Variants in MAST4 observed in about 807,000 individuals in gnomAD.
MAST4 encodes the protein microtubule associated serine/threonine kinase family member 4.
In MAST4, 89 loss-of-function variants were observed where a neutral mutation model predicts 162.7. The ratio of observed to expected loss-of-function variants is 0.55; its 90% CI spans 0.46 to 0.65. The LOEUF (loss-of-function observed/expected upper bound fraction) is 0.65. Ranked by LOEUF, MAST4 falls within the 30% of genes least tolerant of loss-of-function variation. The probability of loss-of-function intolerance (pLI) is 0.00; values close to 1 mark genes in which losing one functional copy is unlikely to be tolerated. For missense variants in MAST4, 3,153 were observed against 3,374.0 expected, an observed-to-expected ratio of 0.93 and a Z score of 1.62; for synonymous variants, 1,479 against 1,361.1, an observed-to-expected ratio of 1.09 and a Z score of -1.91.
At chr5:66,646,491 A>G (rs1453141471) in intron 1 of MAST4, among the ~76,000 whole-genome samples, 4 of 152,172 alleles carry the variant, frequency 2.6e-5, no homozygotes, top group African/African-American at 9.6e-5. Context: ...CCTACTTGTC[A>G]TTTCGGTTTA....
intron 1 of MAST4, among the ~76,000 whole-genome samples, chr5:66,648,986 T>C (rs1017945288): frequency 6.6e-6 from 1 of 152,190 alleles, no homozygotes; most frequent in Non-Finnish European, 1.5e-5. Context: ...ACTGGGTGTC[T>C]GGACATACCT....
intron 1 of MAST4, among the ~76,000 whole-genome samples, chr5:66,746,165 C>A (rs1267902134): frequency 1.3e-5 from 2 of 152,188 alleles, no homozygotes; most frequent in Admixed American, 6.5e-5. Flanking sequence ...GTAATTCTAT[C>A]TTAAAAATTG....
intron 4 of MAST4, among the ~76,000 whole-genome samples, chr5:67,019,409 C>T (rs928482511): frequency 4.6e-5 from 7 of 152,224 alleles, no homozygotes; most frequent in Admixed American, 2.0e-4. Context: ...AATACTAATG[C>T]TAGCTCAGAA....
intron 1 of MAST4, among the ~76,000 whole-genome samples, chr5:66,755,803 T>C (rs1753500536): frequency 6.6e-6 from 1 of 152,234 alleles, no homozygotes; most frequent in South Asian, 2.1e-4. Flanking sequence ...TACTCTGTGA[T>C]TTTCAAGAAT....
intron 13 of MAST4, among the ~76,000 whole-genome samples, chr5:67,120,080 G>A (rs982870464): frequency 6.6e-6 from 1 of 152,262 alleles, no homozygotes; most frequent in Admixed American, 6.5e-5. Context: ...AATAGATCCA[G>A]ATCTTAGGGC....
At chr5:66,918,842 TG>T (rs1215932962) in intron 4 of MAST4, among the ~76,000 whole-genome samples, 1 of 152,200 alleles carries the variant, frequency 6.6e-6, no homozygotes, top group East Asian at 1.9e-4. Flanking sequence ...ATATAATGAA[TG>T]GTATATATAT....
chr5:66,943,778 G>T (rs1293560109), intron 4 of MAST4, among the ~76,000 whole-genome samples: 2 of 152,064 alleles, frequency 1.3e-5, no homozygotes, highest in Non-Finnish European at 2.9e-5. Context: ...CTGTGGTAGC[G>T]TTCTGAAAGG....
chr5:66,646,090 A>C (rs1040475488), intron 1 of MAST4, among the ~76,000 whole-genome samples: 1 of 152,158 alleles, frequency 6.6e-6, no homozygotes, highest in African/African-American at 2.4e-5. Flanking sequence ...TAATTGAAAC[A>C]ATGAGATATT....
intron 3 of MAST4, among the ~76,000 whole-genome samples, chr5:66,847,840 A>AAAAAAAAAAAAAAAAC: frequency 6.6e-6 from 1 of 150,976 alleles, no homozygotes; most frequent in Non-Finnish European, 1.5e-5. Context: ...AAAAAAAAAA[A>AAAAAAAAAAAAAAAAC]AAAGAAAAAC....
At chr5:66,741,217 T>C (rs1193317053) in intron 1 of MAST4, among the ~76,000 whole-genome samples, 1 of 152,330 alleles carries the variant, frequency 6.6e-6, no homozygotes, top group Non-Finnish European at 1.5e-5. Context: ...CAGAGCAGTC[T>C]TCTCTGGTCA....
chr5:67,053,759 G>A (rs941854564), intron 4 of MAST4, among the ~76,000 whole-genome samples: 2 of 152,056 alleles, frequency 1.3e-5, no homozygotes, highest in African/African-American at 4.8e-5. Context: ...TATGCTCTGG[G>A]TACTCAGGAT....
At chr5:66,899,842 C>T (rs1184267862) in intron 3 of MAST4, 109 bp from the exon 4 acceptor site, 10 of 858,220 alleles carry the variant, frequency 1.2e-5, no homozygotes, top group African/African-American at 1.8e-5. Flanking sequence ...ATAAGAAATG[C>T]CAAATCAAGC....
chr5:66,828,794 T>G (rs1056694646), intron 3 of MAST4: 1 of 1,591,366 alleles, frequency 6.3e-7, no homozygotes, highest in Non-Finnish European at 8.6e-7. Flanking sequence ...GTAGAGGTAG[T>G]ACAGCATGGC....
rs5868456 is a variant in MAST4, at chr5:66,597,898, TA to T, written c.363+892del. On this transcript the variant is annotated intron_variant, in intron 1 of 28. Transcript: ENST00000403625. ...TCACGTCTCAGAGCCAGACTCAGTTTAAAAAAAAAAAAGATTGTTTGCTTTG... is the reference window on the plus strand; with the variant it reads ...TCACGTCTCAGAGCCAGACTCAGTTTAAAAAAAAAAAGATTGTTTGCTTTG... Among the ~76,000 whole-genome samples, 444 of 146,492 alleles carry T rather than the reference TA, an allele frequency of 3.0e-3. 5 individuals carry two copies. Among genetic ancestry groups the T allele is most frequent in the African/African-American group, 8.6e-3 (346 of 40,250 alleles).
At chr5:66,866,128 A>G (rs1266985026) in intron 3 of MAST4, among the ~76,000 whole-genome samples, 1 of 151,730 alleles carries the variant, frequency 6.6e-6, no homozygotes, top group Non-Finnish European at 1.5e-5. Context: ...AGTTGCTGCG[A>G]AAAGTATTGG....
chr5:67,033,478 T>TA (rs1755636103), intron 4 of MAST4, among the ~76,000 whole-genome samples: 1 of 151,962 alleles, frequency 6.6e-6, no homozygotes, highest in African/African-American at 2.4e-5. Context: ...ATTTATATTC[T>TA]AAAAAATATT....
At chr5:66,932,510 G>A (rs1028964151) in intron 4 of MAST4, among the ~76,000 whole-genome samples, 5 of 152,134 alleles carry the variant, frequency 3.3e-5, no homozygotes, top group Non-Finnish European at 5.9e-5. Flanking sequence ...GAGAAAAAAC[G>A]ATATGAGATA....
At chr5:67,007,622 A>G (rs1752191339) in intron 4 of MAST4, among the ~76,000 whole-genome samples, 1 of 152,212 alleles carries the variant, frequency 6.6e-6, no homozygotes. Flanking sequence ...GAGCCTATGA[A>G]TGAGCATCTT....
At chr5:66,809,759 CAG>C (rs1357760629) in intron 3 of MAST4, among the ~76,000 whole-genome samples, 1 of 152,116 alleles carries the variant, frequency 6.6e-6, no homozygotes, top group South Asian at 2.1e-4. Context: ...TTTTCTGAGA[CAG>C]AGTCTTGCTC....
Sources: gnomAD v4.1 joint callset for allele counts (sites outside exome capture counted in the v4.1 genomes callset) on GRCh38, gnomAD v4.1.1 for gene constraint, MANE v1.5 for transcripts, NCBI Gene and HGNC (gene_info 2026-07-23, HGNC 2026-07-21) for gene names.